The following AMOT variants were observed in gnomAD, a reference collection of about 807,000 sequenced individuals.
AMOT encodes the protein angiomotin.
In AMOT, 11 loss-of-function variants were observed where a neutral mutation model predicts 67.0. The ratio of observed to expected loss-of-function variants is 0.16; its 90% CI spans 0.10 to 0.27. AMOT has a LOEUF of 0.27. AMOT is among the 10% of genes least tolerant of loss of function. The pLI, the probability that AMOT is intolerant of heterozygous loss-of-function variation, is 1.00. For synonymous variants in AMOT, 326 were observed against 321.4 expected, an observed-to-expected ratio of 1.01 and a Z score of -0.15; for missense variants, 753 against 852.0, an observed-to-expected ratio of 0.88 and a Z score of 1.45.
At chrX:112,831,797 A>C (rs1335701092) in intron 2 of AMOT, among the ~76,000 whole-genome samples, 1 of 107,213 alleles carries the variant, frequency 9.3e-6, no homozygotes, top group Non-Finnish European at 1.9e-5. Context: ...ACAGAACAGA[A>C]CCCAGGATGA....
intron 1 of AMOT, among the ~76,000 whole-genome samples, chrX:112,835,786 G>T (rs1269496831): frequency 1.8e-5 from 2 of 111,344 alleles, no homozygotes; most frequent in African/African-American, 6.5e-5. Context: ...GTTTCACCAT[G>T]TTGGTCAGGC....
intron 2 of AMOT, among the ~76,000 whole-genome samples, chrX:112,825,827 G>A (rs904142798): frequency 3.7e-5 from 4 of 109,537 alleles, no homozygotes; most frequent in African/African-American, 1.3e-4. Context: ...GGGCTACAAA[G>A]ACACATAAAA....
At chrX:112,821,041 G>A (rs1425503229) in intron 4 of AMOT, among the ~76,000 whole-genome samples, 2 of 104,127 alleles carry the variant, frequency 1.9e-5, no homozygotes, top group African/African-American at 7.5e-5. Context: ...GGACCTGCAG[G>A]GGAAAAAAAA....
chrX:112,827,865 C>A (rs1158868942), intron 2 of AMOT, among the ~76,000 whole-genome samples: 1 of 111,900 alleles, frequency 8.9e-6, no homozygotes, highest in Non-Finnish European at 1.9e-5. Flanking sequence ...AACCCTCCCA[C>A]ATTCTGCCCC....
chrX:112,840,725 G>C lies in AMOT; in HGVS notation c.-562C>G, dbSNP rs1466973596. The C allele has an allele frequency of 8.8e-6, 1 of 113,258 alleles. No individual in the cohort carries two copies. Among genetic ancestry groups the C allele is most frequent in the Non-Finnish European group, 1.9e-5 (1 of 53,499 alleles). The allele number at this position is 113,258 out of a possible 1,213,427, so 9.3% of individuals were successfully genotyped here. A position where few individuals can be genotyped will look rare whatever the true frequency, so the allele number is the denominator to read the frequency against. ...AGAGAAGAGGAGGCGAAAGAGAGCG[G>C]AGATGGAGGAGTAATTCAGGGGGTC... is the stretch of plus-strand genomic sequence containing the variant. On this transcript the variant is annotated 5_prime_UTR_variant, in exon 1 of 14. Coordinates refer to ENST00000371959, the MANE Select transcript of AMOT (RefSeq NM_001113490.2).
chrX:112,779,773 A>C (rs1235369000), intron 12 of AMOT, 93 bp from the exon 13 acceptor site: 11 of 410,288 alleles, frequency 2.7e-5, no homozygotes, highest in Non-Finnish European at 4.1e-5. Context: ...TTTCAGAAGA[A>C]ATTTATTTAT....
intron 7 of AMOT, among the ~76,000 whole-genome samples, chrX:112,808,352 G>A (rs1602793679): frequency 9.0e-6 from 1 of 111,451 alleles, no homozygotes; most frequent in Non-Finnish European, 1.9e-5. Flanking sequence ...ACTATACCGG[G>A]CTGCCTTCTT....
chrX:112,811,306 T>C lies in AMOT; in HGVS notation c.1480A>G (p.Arg494Gly). ...SKREALEKAM[R>G]NKLEGEIRRM... ...CGAATCTCGCCCTCTAGCTTGTTTC[T>C]CATGGCTTTCTCTAGGGCCTCTCTT... Residue 494 changes from arginine (R) to glycine (G), a missense_variant, in exon 6 of 14, where the codon AGA (arginine) becomes GGA (glycine). Physicochemically the swap from Arg to Gly is moderately radical, Grantham distance 125 (BLOSUM62 -2). Coordinates refer to ENST00000371959, the MANE Select transcript of AMOT (RefSeq NM_001113490.2). 8.3e-7 allele frequency: 1 copy of C among 1,211,604 alleles called. No homozygotes were observed. Among genetic ancestry groups the C allele is most frequent in the Non-Finnish European group, 1.1e-6 (1 of 895,430 alleles).
chrX:112,801,354 G>T (rs745775281), intron 8 of AMOT, among the ~76,000 whole-genome samples: 1 of 111,469 alleles, frequency 9.0e-6, no homozygotes, highest in Admixed American at 9.6e-5. Flanking sequence ...ATAAGGGCAA[G>T]GACGGAAAGG....
Position 112,809,876 on chromosome X carries a change from T to C in AMOT, c.1630+18A>G. ...CCATCCACACGTTAATACCTGTTTC[T>C]GCAGCTTGCAGACTTACTTTTTGCA... On this transcript the variant is annotated intron_variant, in intron 7 of 13. Coordinates refer to ENST00000371959, the MANE Select transcript of AMOT (RefSeq NM_001113490.2). The C allele has an allele frequency of 8.3e-7, 1 of 1,198,885 alleles. No individual in the cohort carries two copies. Among genetic ancestry groups the C allele is most frequent in the African/African-American group, 1.7e-5 (1 of 57,646 alleles).
chrX:112,801,445 C>T (rs1476475035), intron 8 of AMOT, among the ~76,000 whole-genome samples: 2 of 111,445 alleles, frequency 1.8e-5, no homozygotes, highest in Non-Finnish European at 3.8e-5. Context: ...GAGTGACTCA[C>T]CAAGAAAACA....
In AMOT at chrX:112,791,225, C is replaced by CA. The variant is rs760371080; in HGVS notation, c.1927-444dup. ...TGAATCCCCATCTCTACTAAAAATA[C>CA]AAAAAAAAAAAAAATTAGCTGGGCG... On this transcript the variant is annotated intron_variant, in intron 9 of 13. Transcript: ENST00000371959. Among the ~76,000 whole-genome samples the CA allele has an allele frequency of 1.0e-2, 934 of 93,785 alleles. 6 individuals are homozygous for CA. Among genetic ancestry groups the CA allele is most frequent in the African/African-American group, 0.023 (602 of 25,806 alleles). 81.4% of individuals were successfully genotyped at this position (93,785 alleles called of 115,157 possible).
At chrX:112,789,323 C>G (rs757106515) in intron 10 of AMOT, among the ~76,000 whole-genome samples, 1 of 111,604 alleles carries the variant, frequency 9.0e-6, no homozygotes, top group Admixed American at 9.5e-5. Context: ...TCTGGCAGAG[C>G]TGGGGCTTCT....
At chrX:112,793,649 A>C (rs1222552737) in intron 8 of AMOT, among the ~76,000 whole-genome samples, 2 of 112,055 alleles carry the variant, frequency 1.8e-5, no homozygotes, top group Non-Finnish European at 3.8e-5. Context: ...GGCAAACAAA[A>C]CCTTTTTCGA....
chrX:112,831,605 C>G (rs948812560), intron 2 of AMOT, among the ~76,000 whole-genome samples: 5 of 110,483 alleles, frequency 4.5e-5, no homozygotes, highest in Non-Finnish European at 9.5e-5. Context: ...GCAAAAAACC[C>G]TGGGCTACCT....
At chrX:112,804,898 T>TTCCCCCCCCCCCCCCCC in intron 8 of AMOT, 49 bp downstream of exon 8, 2 of 837,586 alleles carry the variant, frequency 2.4e-6, no homozygotes, top group Non-Finnish European at 3.5e-6. Flanking sequence ...GTCCCCGATT[T>TTCCCCCCCCCCCCCCCC]CCCAGCCCTC....
chrX:112,776,482 G>A lies in AMOT; in HGVS notation c.*2085C>T, dbSNP rs182106161. On this transcript the variant is annotated 3_prime_UTR_variant, in exon 14 of 14. Transcript: ENST00000371959. Reference sequence around the variant, plus strand: ...ATTCACTTTATAACTGAGGACTAATGTGTATGTAACATGATTACCTCATTA... The same window carrying A: ...ATTCACTTTATAACTGAGGACTAATATGTATGTAACATGATTACCTCATTA... 1.8e-5 allele frequency: 2 copies of A among 111,808 alleles called. No homozygotes were observed. Among genetic ancestry groups the A allele is most frequent in the African/African-American group, 3.2e-5 (1 of 30,798 alleles). The allele number at this position is 111,808 out of a possible 1,213,427, so 9.2% of individuals were successfully genotyped here. A position where few individuals can be genotyped will look rare whatever the true frequency, so the allele number is the denominator to read the frequency against.
intron 4 of AMOT, among the ~76,000 whole-genome samples, chrX:112,821,700 C>T (rs1373955170): frequency 8.9e-6 from 1 of 111,842 alleles, no homozygotes; most frequent in Non-Finnish European, 1.9e-5. Context: ...AGGCAAGTAA[C>T]ATTCTGAACC....
rs1215866981 is a variant in AMOT, at chrX:112,776,969, C to T, written c.*1598G>A. Reference sequence around the variant, plus strand: ...GTGTTGTATGACTTTCAAAAAGTCACTGAACCTCTCCAGTTCTCAGATTCC... The same window carrying T: ...GTGTTGTATGACTTTCAAAAAGTCATTGAACCTCTCCAGTTCTCAGATTCC... On this transcript the variant is annotated 3_prime_UTR_variant, in exon 14 of 14. Transcript: ENST00000371959. The T allele has an allele frequency of 8.9e-6, 1 of 111,746 alleles. No individual in the cohort carries two copies. Among genetic ancestry groups the T allele is most frequent in the African/African-American group, 3.3e-5 (1 of 30,692 alleles). The allele number at this position is 111,746 out of a possible 1,213,427, so 9.2% of individuals were successfully genotyped here. A position where few individuals can be genotyped will look rare whatever the true frequency, so the allele number is the denominator to read the frequency against.
Sources: allele counts gnomAD v4.1 joint callset (sites outside exome capture counted in the v4.1 genomes callset), GRCh38; gene constraint gnomAD v4.1.1; transcripts MANE v1.5; gene names NCBI Gene and HGNC (gene_info 2026-07-23, HGNC 2026-07-21).